The following PAPPA2 variants were observed in gnomAD, a reference collection of about 807,000 sequenced individuals.
PAPPA2 encodes the protein pappalysin 2.
PAPPA2 carries 86 observed loss-of-function variants against 176.4 expected under a neutral mutation model. The ratio of observed to expected loss-of-function variants is 0.49; its 90% CI spans 0.41 to 0.58. PAPPA2 has a LOEUF of 0.58. Ranked by LOEUF, PAPPA2 falls within the 20% of genes least tolerant of loss-of-function variation. The probability of loss-of-function intolerance (pLI) is 0.00; values close to 1 mark genes in which losing one functional copy is unlikely to be tolerated. For missense variants in PAPPA2, 2,073 were observed against 2,256.9 expected (o/e 0.92, Z 1.65); for synonymous variants, 809 against 852.2 (o/e 0.95, Z 0.88).
chr1:176,505,672 CAACA>C (rs1278418069), intron 1 of PAPPA2, among the ~76,000 whole-genome samples: 1 of 151,900 alleles, frequency 6.6e-6, no homozygotes, highest in East Asian at 1.9e-4. Flanking sequence ...GCAACAACAA[CAACA>C]AAAAGCCTGA....
At chr1:176,767,718 G>T (rs1248063961) in intron 15 of PAPPA2, among the ~76,000 whole-genome samples, 2 of 152,164 alleles carry the variant, frequency 1.3e-5, no homozygotes, top group Admixed American at 6.5e-5. Context: ...TTAAGCATGG[G>T]TATCATCTGG....
chr1:176,828,670 G>C (rs1666953282), intron 21 of PAPPA2, among the ~76,000 whole-genome samples: 1 of 152,012 alleles, frequency 6.6e-6, no homozygotes, highest in Non-Finnish European at 1.5e-5. Flanking sequence ...GCATTGCATA[G>C]ATATGAAAGA....
intron 21 of PAPPA2, 101 bp downstream of exon 21, chr1:176,800,233 T>G (rs983192174): frequency 6.4e-6 from 7 of 1,086,556 alleles, no homozygotes; most frequent in Non-Finnish European, 9.7e-6. Flanking sequence ...CCCTCTCCTA[T>G]TCCTCTGTCC....
chr1:176,531,309 A>C (rs1649792584), intron 1 of PAPPA2, among the ~76,000 whole-genome samples: 1 of 152,216 alleles, frequency 6.6e-6, no homozygotes, highest in South Asian at 2.1e-4. Context: ...AGTGTATTGT[A>C]TCAAAGTCCA....
intron 12 of PAPPA2, among the ~76,000 whole-genome samples, chr1:176,714,714 A>G (rs1192573661): frequency 1.3e-5 from 2 of 152,166 alleles, no homozygotes; most frequent in African/African-American, 2.4e-5. Flanking sequence ...CTTCTTGATT[A>G]TAATAAGTCT....
At chr1:176,764,593 A>G (rs1056464387) in intron 14 of PAPPA2, among the ~76,000 whole-genome samples, 1 of 147,808 alleles carries the variant, frequency 6.8e-6, no homozygotes, top group Non-Finnish European at 1.5e-5. Flanking sequence ...GCTCCAGTGT[A>G]TTCTTTTTTT....
Position 176,710,084 on chromosome 1 carries a change from T to A in PAPPA2, c.3559T>A (p.Tyr1187Asn). The change falls in exon 11 of 23, where the codon TAC becomes AAC. Residue 1187 changes from tyrosine to asparagine, a missense_variant. Around this residue, in one of 4 missense-constraint regions of PAPPA2, gnomAD observed 846 missense variants for 857.9 expected, o/e 0.99. Coordinates refer to ENST00000367662, the MANE Select transcript of PAPPA2 (RefSeq NM_020318.3). ...CTGTGGCATCTACACTCCCAAAGGA[T>A]ACTTGGATCAATGGGCTACCCGGGC... ...VDCGIYTPKGYLDQWATRAYS... is the reference protein window; with the variant it reads ...VDCGIYTPKGNLDQWATRAYS... The A allele has an allele frequency of 6.2e-7, 1 of 1,613,880 alleles. No homozygotes were observed. Among genetic ancestry groups the A allele is most frequent in the Non-Finnish European group, 8.5e-7 (1 of 1,179,806 alleles).
chr1:176,687,269 G>A (rs1410499452), intron 4 of PAPPA2, among the ~76,000 whole-genome samples: 1 of 152,204 alleles, frequency 6.6e-6, no homozygotes, highest in African/African-American at 2.4e-5. Flanking sequence ...ATTCTTCTGT[G>A]TTGGGAATGT....
chr1:176,791,377 T>TTTAAAGA lies in PAPPA2; in HGVS notation c.4915_4916insTTAAAGA (p.Trp1639PhefsTer8). On this transcript the variant is annotated frameshift_variant, in exon 19 of 23. Transcript: ENST00000367662. LOFTEE classifies it high-confidence loss of function. Reference sequence around the variant, plus strand: ...CATCCTCTGCACTAAAGAGGGCCTGTGGACCCAGGAGTTTAAGTTGTGTGA... The same window carrying TTTAAAGA: ...CATCCTCTGCACTAAAGAGGGCCTGTTTAAAGAGGACCCAGGAGTTTAAGTTGTGTGA... The TTTAAAGA allele has an allele frequency of 6.2e-7, 1 of 1,611,472 alleles. No individual in the cohort carries two copies. The highest frequency in any genetic ancestry group is 8.5e-7 in the Non-Finnish European group (1 of 1,177,724).
intron 5 of PAPPA2, chr1:176,690,645 C>A: frequency 7.3e-7 from 1 of 1,367,508 alleles, no homozygotes; most frequent in Non-Finnish European, 9.4e-7. Context: ...TCACTGAATT[C>A]TCCTCTACTA....
intron 12 of PAPPA2, among the ~76,000 whole-genome samples, chr1:176,714,865 T>A (rs1399429164): frequency 6.6e-6 from 1 of 152,180 alleles, no homozygotes; most frequent in African/African-American, 2.4e-5. Context: ...CCTAATCCAA[T>A]GTGGGTGGAA....
At chr1:176,719,911 A>G (rs1411719858) in intron 12 of PAPPA2, among the ~76,000 whole-genome samples, 1 of 152,212 alleles carries the variant, frequency 6.6e-6, no homozygotes, top group Non-Finnish European at 1.5e-5. Flanking sequence ...GAAATAACAG[A>G]TACCCAGTGA....
intron 7 of PAPPA2, 148 bp downstream of exon 7, chr1:176,696,007 T>TGTGTGTG: frequency 2.9e-6 from 3 of 1,019,928 alleles, no homozygotes; most frequent in African/African-American, 3.4e-5. Flanking sequence ...TGTGTGTGTG[T>TGTGTGTG]TTTGCTGGAT....
intron 3 of PAPPA2, among the ~76,000 whole-genome samples, chr1:176,634,046 G>A (rs1339488839): frequency 6.6e-6 from 1 of 152,074 alleles, no homozygotes; most frequent in South Asian, 2.1e-4. Flanking sequence ...GATTCCTCGG[G>A]GATCTAGAAC....
At chr1:176,730,984 A>G (rs1165662382) in intron 12 of PAPPA2, among the ~76,000 whole-genome samples, 1 of 152,048 alleles carries the variant, frequency 6.6e-6, no homozygotes, top group East Asian at 1.9e-4. Context: ...ATTAGGAAGT[A>G]CTTAAATAGT....
intron 17 of PAPPA2, among the ~76,000 whole-genome samples, chr1:176,789,205 T>A (rs1029104913): frequency 6.6e-6 from 1 of 152,134 alleles, no homozygotes; most frequent in Non-Finnish European, 1.5e-5. Flanking sequence ...ATACACACCA[T>A]GGAATACTAT....
intron 15 of PAPPA2, among the ~76,000 whole-genome samples, chr1:176,767,753 G>A (rs1389938900): frequency 3.9e-5 from 6 of 152,154 alleles, no homozygotes; most frequent in Admixed American, 2.6e-4. Context: ...GGGAGCTCAC[G>A]CTTTGCCAAC....
At chr1:176,827,983 G>A (rs920959437) in intron 21 of PAPPA2, among the ~76,000 whole-genome samples, 2 of 151,914 alleles carry the variant, frequency 1.3e-5, no homozygotes, top group African/African-American at 4.8e-5. Flanking sequence ...GGCAGAAGGT[G>A]GCTGCCTCAT....
At chr1:176,572,202 C>T (rs1315144613) in intron 2 of PAPPA2, among the ~76,000 whole-genome samples, 5 of 152,190 alleles carry the variant, frequency 3.3e-5, no homozygotes, top group Admixed American at 2.6e-4. Flanking sequence ...TACTGGAAAG[C>T]AGAAGAAAAC....
Sources: allele counts gnomAD v4.1 joint callset (sites outside exome capture counted in the v4.1 genomes callset), GRCh38; gene constraint gnomAD v4.1.1; regional missense constraint gnomAD v4.1.1; transcripts MANE v1.5; gene names NCBI Gene and HGNC (gene_info 2026-07-23, HGNC 2026-07-21).